PHACTR4: variants seen among roughly 807,000 people sequenced by gnomAD.
PHACTR4 encodes the protein protein phosphatase 1, regulatory subunit 124.
In PHACTR4, 51 loss-of-function variants were observed where a neutral mutation model predicts 72.7. That is an observed-to-expected ratio of 0.70 (90% CI 0.56 to 0.89). The LOEUF is 0.89. PHACTR4 is among the 40% of genes least tolerant of loss of function. The pLI is 0.00. For synonymous variants in PHACTR4, 255 were observed against 302.5 expected (o/e 0.84, Z 1.63); for missense variants, 731 against 861.8 (o/e 0.85, Z 1.90).
intron 1 of PHACTR4, among the ~76,000 whole-genome samples, chr1:28,390,899 A>G (rs1652960265): frequency 1.3e-5 from 2 of 152,034 alleles, no homozygotes; most frequent in Non-Finnish European, 2.9e-5. Flanking sequence ...GTTTGAGACC[A>G]GCCTGGGCAA....
intron 2 of PHACTR4, among the ~76,000 whole-genome samples, chr1:28,437,738 T>G (rs959237479): frequency 2.6e-5 from 4 of 152,184 alleles, no homozygotes; most frequent in African/African-American, 9.7e-5. Context: ...AATGACCTAA[T>G]TATCTCCCAA....
chr1:28,479,716 AC>A (rs1417492993), intron 8 of PHACTR4, among the ~76,000 whole-genome samples: 6 of 151,264 alleles, frequency 4.0e-5, no homozygotes, highest in African/African-American at 1.5e-4. Context: ...GAAACCCGAA[AC>A]CCGGTGTCTA....
intron 4 of PHACTR4, among the ~76,000 whole-genome samples, chr1:28,461,205 C>T (rs764959764): frequency 9.9e-5 from 15 of 151,744 alleles, no homozygotes; most frequent in South Asian, 6.3e-4. Context: ...TTTAGGAGGC[C>T]GAGACGGGCA....
intron 1 of PHACTR4, among the ~76,000 whole-genome samples, chr1:28,403,457 C>T (rs1654084289): frequency 6.6e-6 from 1 of 152,140 alleles, no homozygotes; most frequent in Non-Finnish European, 1.5e-5. Flanking sequence ...AGGCTGTCTC[C>T]CAACAGCAGT....
At chr1:28,418,643 A>G (rs1655281869) in intron 2 of PHACTR4, among the ~76,000 whole-genome samples, 1 of 152,156 alleles carries the variant, frequency 6.6e-6, no homozygotes, top group East Asian at 1.9e-4. Flanking sequence ...AAAATGAGAA[A>G]ATATGGCATA....
intron 6 of PHACTR4, among the ~76,000 whole-genome samples, chr1:28,467,587 A>T (rs967527814): frequency 6.6e-6 from 1 of 152,182 alleles, no homozygotes; most frequent in South Asian, 2.1e-4. Flanking sequence ...ATAAGCATTA[A>T]TGAGTCTAGT....
At chr1:28,372,288 CA>C (rs1235913295) in intron 1 of PHACTR4, among the ~76,000 whole-genome samples, 2 of 152,142 alleles carry the variant, frequency 1.3e-5, no homozygotes, top group Non-Finnish European at 2.9e-5. Flanking sequence ...GACCCCTTTA[CA>C]TGAATCAGGG....
At chr1:28,472,975 A>G (rs1240055601) in intron 6 of PHACTR4, among the ~76,000 whole-genome samples, 5 of 151,368 alleles carry the variant, frequency 3.3e-5, no homozygotes, top group Non-Finnish European at 5.9e-5. Flanking sequence ...CACCAAGATC[A>G]AGTTACAAAA....
intron 1 of PHACTR4, among the ~76,000 whole-genome samples, chr1:28,405,595 G>T (rs953271695): frequency 1.3e-5 from 2 of 151,890 alleles, no homozygotes; most frequent in South Asian, 4.2e-4. Flanking sequence ...CCAAAGTGCT[G>T]GGATTACAGG....
At chr1:28,404,720 G>A (rs1471684540) in intron 1 of PHACTR4, among the ~76,000 whole-genome samples, 1 of 152,076 alleles carries the variant, frequency 6.6e-6, no homozygotes, top group Admixed American at 6.6e-5. Context: ...AGTTTATTGA[G>A]GCCCCAGTTT....
chr1:28,476,379 A>G, intron 8 of PHACTR4, 88 bp downstream of exon 8: 2 of 1,327,306 alleles, frequency 1.5e-6, no homozygotes, highest in Non-Finnish European at 2.0e-6. Flanking sequence ...AGAGATATGG[A>G]AACAGGTACC....
intron 2 of PHACTR4, among the ~76,000 whole-genome samples, chr1:28,416,300 T>A (rs1038562216): frequency 2.6e-5 from 4 of 152,178 alleles, no homozygotes; most frequent in Non-Finnish European, 4.4e-5. Flanking sequence ...TCTTATTTCC[T>A]GAAGGGGTAT....
chr1:28,383,874 G>A (rs1002494112), intron 1 of PHACTR4, among the ~76,000 whole-genome samples: 1 of 151,996 alleles, frequency 6.6e-6, no homozygotes, highest in Admixed American at 6.6e-5. Context: ...AACGTGCAGT[G>A]GTATTGAATT....
chr1:28,432,744 G>C (rs1381964125), intron 2 of PHACTR4, among the ~76,000 whole-genome samples: 1 of 151,958 alleles, frequency 6.6e-6, no homozygotes, highest in Non-Finnish European at 1.5e-5. Flanking sequence ...ATTTTTCTAA[G>C]GTGTTTTATT....
intron 2 of PHACTR4, among the ~76,000 whole-genome samples, chr1:28,457,626 T>TA (rs1232593412): frequency 1.3e-5 from 2 of 151,632 alleles, no homozygotes; most frequent in Non-Finnish European, 2.9e-5. Context: ...ATAATAATAA[T>TA]AAATTTTTTT....
chr1:28,381,930 G>A (rs371996225), intron 1 of PHACTR4, among the ~76,000 whole-genome samples: 2 of 152,190 alleles, frequency 1.3e-5, no homozygotes, highest in Admixed American at 6.6e-5. Flanking sequence ...ACCACGCCAG[G>A]CTAATTTTTG....
At chr1:28,371,424 A>G (rs1416055089) in intron 1 of PHACTR4, among the ~76,000 whole-genome samples, 2 of 152,038 alleles carry the variant, frequency 1.3e-5, no homozygotes, top group Non-Finnish European at 2.9e-5. Context: ...CCTCCTGAGT[A>G]GCTGGGATTA....
chr1:28,369,740 C>G lies in PHACTR4; in HGVS notation c.-124C>G, dbSNP rs1050993170. ...CCCCCTCCCCGGGGGCCAAGGGCTC[C>G]GGCTGCTGCCTGGCGGCCAACGGGC... On this transcript the variant is annotated 5_prime_UTR_variant, in exon 1 of 14. Coordinates refer to ENST00000373839, the MANE Select transcript of PHACTR4 (RefSeq NM_001048183.3). The G allele has an allele frequency of 2.7e-5, 12 of 444,248 alleles. No individual in the cohort carries two copies. Among genetic ancestry groups the G allele is most frequent in the African/African-American group, 2.1e-4 (10 of 48,754 alleles). 27.5% of individuals were successfully genotyped at this position (444,248 alleles called of 1,614,324 possible). A position where few individuals can be genotyped will look rare whatever the true frequency, so the allele number is the denominator to read the frequency against.
At chr1:28,426,213 A>G (rs548323146) in intron 2 of PHACTR4, among the ~76,000 whole-genome samples, 1 of 129,144 alleles carries the variant, frequency 7.7e-6, no homozygotes, top group Admixed American at 7.2e-5. Flanking sequence ...AGAGCGAGAA[A>G]CCTTCTCAAA....
Sources: gnomAD v4.1 joint callset for allele counts (sites outside exome capture counted in the v4.1 genomes callset) on GRCh38, gnomAD v4.1.1 for gene constraint, MANE v1.5 for transcripts, NCBI Gene and HGNC (gene_info 2026-07-23, HGNC 2026-07-21) for gene names.